TNIP1: variants seen among roughly 807,000 people sequenced by gnomAD.
TNIP1 encodes TNFAIP3-interacting protein 1.
A neutral mutation model predicts 86.6 loss-of-function variants in TNIP1; 22 were observed. The observed-to-expected ratio is 0.25, with a 90% confidence interval of 0.18 to 0.36. TNIP1 has a LOEUF of 0.36. TNIP1 is among the 10% of genes least tolerant of loss of function. TNIP1 has a pLI of 1.00. For missense variants in TNIP1, 709 were observed against 820.6 expected, an observed-to-expected ratio of 0.86 and a Z score of 1.66; for synonymous variants, 294 against 313.0, an observed-to-expected ratio of 0.94 and a Z score of 0.64.
intron 13 of TNIP1, 108 bp from the exon 14 acceptor site, chr5:151,035,815 G>C: frequency 6.8e-7 from 1 of 1,460,322 alleles, no homozygotes; most frequent in South Asian, 1.3e-5. Context: ...TGGCAGAGCT[G>C]GGGGTCGCCA....
intron 9 of TNIP1, among the ~76,000 whole-genome samples, chr5:151,044,882 C>T (rs190110687): frequency 9.5e-4 from 145 of 152,300 alleles, no homozygotes; most frequent in African/African-American, 3.3e-3. Flanking sequence ...AACTAAGAGC[C>T]TCTTACGAAC....
chr5:151,057,091 C>T, intron 5 of TNIP1, 134 bp from the exon 6 acceptor site: 3 of 986,582 alleles, frequency 3.0e-6, no homozygotes, highest in Non-Finnish European at 2.7e-6. Flanking sequence ...CCGGGAAATT[C>T]TCCAGTTATG....
chr5:151,032,587 G>A, intron 16 of TNIP1: 1 of 598,488 alleles, frequency 1.7e-6, no homozygotes, highest in Non-Finnish European at 3.0e-6. Flanking sequence ...AAGGAGAATG[G>A]CTAAGCTTGG....
intron 6 of TNIP1, among the ~76,000 whole-genome samples, chr5:151,055,072 T>C (rs1350256072): frequency 6.6e-6 from 1 of 152,196 alleles, no homozygotes; most frequent in Non-Finnish European, 1.5e-5. Context: ...CCATCCAAGG[T>C]GCTACGAGAG....
Position 151,042,656 on chromosome 5 carries a change from G to C in TNIP1, c.1018C>G (p.Gln340Glu), listed in dbSNP as rs376158729. ...TGCTTCTGCAAATCAGCCAGCTTCT[G>C]ACGCAGCTCAGTGATCTGGGTTCAG... is the stretch of plus-strand genomic sequence containing the variant. ...QYEQKITELR[Q>E]KLADLQKQVT... Residue 340 changes from glutamine to glutamate, a missense_variant, in exon 11 of 18, where the codon CAG becomes GAG. Transcript: ENST00000521591. The C allele has an allele frequency of 3.4e-5, 55 of 1,613,948 alleles. No individual in the cohort carries two copies. The highest frequency in any genetic ancestry group is 4.7e-5 in the Non-Finnish European group (55 of 1,180,020).
intron 13 of TNIP1, 27 bp downstream of exon 13, chr5:151,036,763 C>CA (rs761889673): frequency 6.2e-7 from 1 of 1,613,692 alleles, no homozygotes; most frequent in African/African-American, 1.3e-5. Flanking sequence ...GAGCACCTCC[C>CA]ACCTGATTTC....
intron 7 of TNIP1, 91 bp from the exon 8 acceptor site, chr5:151,050,038 A>T (rs1159124760): frequency 3.8e-6 from 6 of 1,579,360 alleles, no homozygotes. Context: ...CATGAGTTGC[A>T]GCTGAGCCCC....
Position 151,042,604 on chromosome 5 carries a change from T to C in TNIP1, c.1070A>G (p.Glu357Gly). The C allele has an allele frequency of 6.2e-7, 1 of 1,613,816 alleles. No individual in the cohort carries two copies. Among genetic ancestry groups the C allele is most frequent in the Non-Finnish European group, 8.5e-7 (1 of 1,179,996 alleles). Residue 357 changes from glutamate (E) to glycine (G), a missense_variant, in exon 11 of 18, where the codon GAG becomes GGG. By Grantham distance (98) the Glu-to-Gly change is moderately conservative (BLOSUM62 -2). Coordinates refer to ENST00000521591, the MANE Select transcript of TNIP1 (RefSeq NM_006058.5). Reference sequence around the variant, plus strand: ...GCGGTCAAAGTCACGCTGCTTCTGCTCCCGCTCGGCCTCCAGGTCAGTCAC... The same window carrying C: ...GCGGTCAAAGTCACGCTGCTTCTGCCCCCGCTCGGCCTCCAGGTCAGTCAC... Reference protein sequence around the residue: ...KQVTDLEAEREQKQRDFDRKL... With the variant: ...KQVTDLEAERGQKQRDFDRKL...
chr5:151,065,736 T>A (rs1346665630), intron 1 of TNIP1, among the ~76,000 whole-genome samples: 1 of 152,180 alleles, frequency 6.6e-6, no homozygotes, highest in Non-Finnish European at 1.5e-5. Context: ...ATGTGTATCA[T>A]CTTCTTTAAA....
Position 151,030,579 on chromosome 5 carries a change from A to C in TNIP1, c.*134T>G, listed in dbSNP as rs1289468287. 1 of 1,460,008 alleles carries C rather than the reference A, an allele frequency of 6.8e-7. No homozygotes were observed. Among genetic ancestry groups the C allele is most frequent in the South Asian group, 1.2e-5 (1 of 82,906 alleles). The allele number at this position is 1,460,008 out of a possible 1,614,324, so 90.4% of individuals were successfully genotyped here. ...AGCTCAGTTCAGGGACTGGTGTACA[A>C]GCTGGCCACCCATCTCAGCCTCTCA... On this transcript the variant is annotated 3_prime_UTR_variant, in exon 18 of 18. Transcript: ENST00000521591.
intron 1 of TNIP1, chr5:151,080,010 G>C (rs1763823013): frequency 6.6e-6 from 1 of 152,174 alleles, no homozygotes; most frequent in Non-Finnish European, 1.5e-5. Flanking sequence ...GAAGGACGTT[G>C]CTGATTCTTC....
At chr5:151,036,678 G>T in intron 13 of TNIP1, 112 bp downstream of exon 13, 1 of 1,541,358 alleles carries the variant, frequency 6.5e-7, no homozygotes, top group Non-Finnish European at 8.8e-7. Context: ...CCAATGGCCA[G>T]AAAGTGGATT....
intron 1 of TNIP1, among the ~76,000 whole-genome samples, chr5:151,066,708 A>T (rs1434068500): frequency 6.6e-6 from 1 of 152,208 alleles, no homozygotes; most frequent in African/African-American, 2.4e-5. Context: ...GCATTTTACA[A>T]GGGAGAAACT....
upstream of TNIP1, among the ~76,000 whole-genome samples, chr5:151,081,929 T>C (rs1028120359): frequency 2.0e-5 from 3 of 152,234 alleles, no homozygotes; most frequent in African/African-American, 7.2e-5. Context: ...AGCTAAATTT[T>C]AATTCCAAAA....
At chr5:151,078,956 G>A (rs1167122887) in intron 1 of TNIP1, among the ~76,000 whole-genome samples, 1 of 152,180 alleles carries the variant, frequency 6.6e-6, no homozygotes, top group Admixed American at 6.5e-5. Flanking sequence ...AGCACTGGGG[G>A]TAAGGGTATG....
intron 8 of TNIP1, among the ~76,000 whole-genome samples, chr5:151,049,096 G>A (rs528145944): frequency 2.6e-5 from 4 of 152,292 alleles, no homozygotes; most frequent in African/African-American, 9.6e-5. Context: ...TACGGTAATT[G>A]CTACTATTGC....
intron 12 of TNIP1, among the ~76,000 whole-genome samples, chr5:151,038,894 G>C (rs941653443): frequency 2.0e-5 from 3 of 152,040 alleles, no homozygotes; most frequent in Non-Finnish European, 4.4e-5. Flanking sequence ...CACCTCCAGA[G>C]GGAAGGGTGA....
intron 4 of TNIP1, among the ~76,000 whole-genome samples, chr5:151,061,067 G>T (rs962748057): frequency 6.6e-6 from 1 of 152,204 alleles, no homozygotes; most frequent in African/African-American, 2.4e-5. Context: ...AATCCACGGT[G>T]GCCAAGAAAT....
At chr5:151,056,712 G>C in intron 6 of TNIP1, 54 bp downstream of exon 6, 1 of 1,425,110 alleles carries the variant, frequency 7.0e-7, no homozygotes, top group Non-Finnish European at 9.3e-7. Flanking sequence ...GGTGGGAAGA[G>C]CTCGGGGGGA....
Sources: gnomAD v4.1 joint callset for allele counts (sites outside exome capture counted in the v4.1 genomes callset) on GRCh38, gnomAD v4.1.1 for gene constraint, MANE v1.5 for transcripts, NCBI Gene and HGNC (gene_info 2026-07-23, HGNC 2026-07-21) for gene names.